SAMD13: variants seen among roughly 807,000 people sequenced by gnomAD.
The protein encoded by SAMD13 is sterile alpha motif domain containing 13, also known as sterile alpha motif domain-containing protein 13.
A neutral mutation model predicts 12.4 loss-of-function variants in SAMD13; 9 were observed. That is an observed-to-expected ratio of 0.72 (90% CI 0.44 to 1.26). SAMD13 has a LOEUF of 1.26. Among genes scored for constraint, SAMD13 ranks in the 50% most tolerant of loss-of-function variants. The pLI is 0.00. For synonymous variants in SAMD13, 46 were observed against 45.4 expected (o/e 1.01, Z -0.05); for missense variants, 84 against 119.6 (o/e 0.70, Z 1.39).
At chr1:84,348,926 G>A (rs1196804101) in intron 3 of SAMD13, among the ~76,000 whole-genome samples, 1 of 152,044 alleles carries the variant, frequency 6.6e-6, no homozygotes, top group Non-Finnish European at 1.5e-5. Flanking sequence ...GAGGCAGGAT[G>A]GTTCCCCCTT....
intron 3 of SAMD13, among the ~76,000 whole-genome samples, chr1:84,345,817 T>C (rs1467624039): frequency 6.6e-6 from 1 of 152,178 alleles, no homozygotes. Context: ...AGAGAATGAG[T>C]GAAAAGTAAA....
chr1:84,345,172 C>A (rs1455174978), intron 3 of SAMD13: 1 of 456,382 alleles, frequency 2.2e-6, no homozygotes, highest in Admixed American at 2.3e-5. Flanking sequence ...TGTAGCCAGA[C>A]AGTAAATGGC....
upstream of SAMD13, chr1:84,299,426 A>T (rs925672085): frequency 8.0e-5 from 24 of 298,990 alleles, no homozygotes; most frequent in African/African-American, 4.4e-4. Flanking sequence ...TTATTTCAGC[A>T]TATCCCATAA....
intron 3 of SAMD13, among the ~76,000 whole-genome samples, chr1:84,339,204 TAAG>T (rs1679368906): frequency 6.6e-6 from 1 of 152,248 alleles, no homozygotes; most frequent in African/African-American, 2.4e-5. Flanking sequence ...CATTTGGAGA[TAAG>T]AAGACACTCT....
intron 2 of SAMD13, among the ~76,000 whole-genome samples, chr1:84,307,512 CTCAG>C (rs1432033231): frequency 6.6e-6 from 1 of 152,100 alleles, no homozygotes; most frequent in African/African-American, 2.4e-5. Context: ...TGTATTGTTT[CTCAG>C]TCAGTTTCAA....
upstream of SAMD13, among the ~76,000 whole-genome samples, chr1:84,299,168 G>A (rs1678383967): frequency 6.6e-6 from 1 of 152,132 alleles, no homozygotes; most frequent in Non-Finnish European, 1.5e-5. Context: ...ACCGGGGGTC[G>A]GATCCCGGGA....
At chr1:84,327,197 TAGG>T (rs1025751842) in intron 3 of SAMD13, among the ~76,000 whole-genome samples, 70 of 152,234 alleles carry the variant, frequency 4.6e-4, no homozygotes, top group African/African-American at 1.7e-3. Context: ...TGTACATCAA[TAGG>T]AGAATGAATA....
At chr1:84,324,866 CTTGA>C (rs765330199) in intron 2 of SAMD13, among the ~76,000 whole-genome samples, 6 of 152,150 alleles carry the variant, frequency 3.9e-5, no homozygotes, top group Admixed American at 1.3e-4. Context: ...CAGACAAATG[CTTGA>C]TTGTTATCTT....
intron 3 of SAMD13, among the ~76,000 whole-genome samples, chr1:84,346,804 T>C (rs540809901): frequency 3.3e-5 from 5 of 152,236 alleles, no homozygotes; most frequent in Admixed American, 6.5e-5. Flanking sequence ...ATGAAACGAA[T>C]GTTTTATGTA....
chr1:84,318,046 T>G (rs1490261251), intron 2 of SAMD13, among the ~76,000 whole-genome samples: 3 of 152,132 alleles, frequency 2.0e-5, no homozygotes, highest in African/African-American at 7.2e-5. Context: ...TCATTTCTGC[T>G]TTTATTTATT....
At chr1:84,320,027 GA>G (rs1678907497) in intron 2 of SAMD13, among the ~76,000 whole-genome samples, 1 of 152,022 alleles carries the variant, frequency 6.6e-6, no homozygotes, top group Admixed American at 6.6e-5. Flanking sequence ...CCACTTTTTG[GA>G]ATAGAGCAGG....
chr1:84,307,089 T>G (rs562701345), intron 2 of SAMD13, among the ~76,000 whole-genome samples: 1 of 152,162 alleles, frequency 6.6e-6, no homozygotes, highest in African/African-American at 2.4e-5. Flanking sequence ...GGCCTAGTTT[T>G]CATCAAGTTT....
At chr1:84,328,836 C>T (rs1221017476) in intron 3 of SAMD13, among the ~76,000 whole-genome samples, 1 of 152,188 alleles carries the variant, frequency 6.6e-6, no homozygotes, top group Admixed American at 6.5e-5. Flanking sequence ...ATTAGAACAA[C>T]TGCCTCCTTA....
At chr1:84,340,938 C>T (rs1679410687) in intron 3 of SAMD13, among the ~76,000 whole-genome samples, 1 of 152,184 alleles carries the variant, frequency 6.6e-6, no homozygotes, top group Non-Finnish European at 1.5e-5. Context: ...CACCTCATCC[C>T]ATGATGGCCC....
chr1:84,301,989 A>G (rs1678461457), intron 1 of SAMD13, 188 bp downstream of exon 1: 1 of 153,610 alleles, frequency 6.5e-6, no homozygotes, highest in Non-Finnish European at 1.4e-5. Flanking sequence ...GAGCAGCAGC[A>G]CTATCTTCCT....
intron 3 of SAMD13, chr1:84,344,582 A>AG: frequency 3.7e-6 from 1 of 270,002 alleles, no homozygotes. Context: ...GGCTTGGTGT[A>AG]AACTTGAATA....
In SAMD13 at chr1:84,349,797, A is replaced by T. The variant is rs1314985012; in HGVS notation, c.*23A>T. ...TAGTACAGTCAAATTGGGGTCTTCG[A>T]CCTCAAAAAATACATAATGACATAA... On this transcript the variant is annotated 3_prime_UTR_variant, in exon 4 of 4. Coordinates refer to ENST00000394834, the MANE Select transcript of SAMD13 (RefSeq NM_001134663.2). 6 of 1,588,780 alleles carry T rather than the reference A, an allele frequency of 3.8e-6. No individual in the cohort carries two copies. Among genetic ancestry groups the T allele is most frequent in the Non-Finnish European group, 4.3e-6 (5 of 1,167,646 alleles).
At chr1:84,335,563 T>A (rs1004059146) in intron 3 of SAMD13, among the ~76,000 whole-genome samples, 2 of 152,180 alleles carry the variant, frequency 1.3e-5, no homozygotes, top group Non-Finnish European at 2.9e-5. Context: ...ACTATTGATA[T>A]GTATGGATTT....
intron 2 of SAMD13, among the ~76,000 whole-genome samples, chr1:84,312,532 G>A (rs1053924330): frequency 4.6e-5 from 7 of 151,798 alleles, no homozygotes; most frequent in South Asian, 2.1e-4. Flanking sequence ...GTCCATAAGC[G>A]TTCAACAAAC....
Sources: allele counts gnomAD v4.1 joint callset (sites outside exome capture counted in the v4.1 genomes callset), GRCh38; gene constraint gnomAD v4.1.1; transcripts MANE v1.5; gene names NCBI Gene and HGNC (gene_info 2026-07-23, HGNC 2026-07-21).